The following GCN1 variants were observed in gnomAD, a reference collection of about 807,000 sequenced individuals.
GCN1 encodes GCN1 activator of EIF2AK4.
Under a neutral mutation model 288.4 loss-of-function variants are expected in GCN1, and 90 were observed. The observed-to-expected ratio is 0.31, with a 90% confidence interval of 0.26 to 0.37. The LOEUF (loss-of-function observed/expected upper bound fraction) is 0.37, where lower values mean the gene tolerates loss of function less well. GCN1 is among the 10% of genes least tolerant of loss of function. The probability of loss-of-function intolerance (pLI) is 1.00; values close to 1 mark genes in which losing one functional copy is unlikely to be tolerated. For synonymous variants in GCN1, 1,386 were observed against 1,420.2 expected (o/e 0.98, Z 0.54); for missense variants, 2,586 against 3,419.9 (o/e 0.76, Z 6.08).
At chr12:120,183,532 G>A (rs1878730155) in intron 5 of GCN1, 37 bp downstream of exon 5, 4 of 1,269,962 alleles carry the variant, frequency 3.1e-6, no homozygotes, top group Non-Finnish European at 4.6e-6. Context: ...CTGGCAGAAA[G>A]CTGACCCTTG....
intron 50 of GCN1, among the ~76,000 whole-genome samples, chr12:120,136,980 A>G (rs1877025277): frequency 6.6e-6 from 1 of 152,156 alleles, no homozygotes; most frequent in African/African-American, 2.4e-5. Context: ...CCTGTGGCCC[A>G]CTCACTCTGG....
At chr12:120,160,777 T>C (rs1327471840) in intron 22 of GCN1, among the ~76,000 whole-genome samples, 1 of 152,148 alleles carries the variant, frequency 6.6e-6, no homozygotes, top group Non-Finnish European at 1.5e-5. Flanking sequence ...AGGAACAAGA[T>C]AAAGTCCCTG....
chr12:120,183,719 C>T (rs1484527422), intron 4 of GCN1, 42 bp from the exon 5 acceptor site: 1 of 1,192,600 alleles, frequency 8.4e-7, no homozygotes, highest in Admixed American at 1.7e-5. Flanking sequence ...CAGCAGCCTC[C>T]ACCTTGAGGA....
chr12:120,151,188 C>T lies in GCN1; in HGVS notation c.4266G>A (p.Leu1422=). Residue 1422 remains leucine (L), a synonymous_variant, in exon 34 of 58, where the codon CTG becomes CTA. Coordinates refer to ENST00000300648, the MANE Select transcript of GCN1 (RefSeq NM_006836.2). ...TCTTCTTATCTTGGATGGCATCAGT[C>T]AGTGCCGCCATCATCTCCTGTTGCT... is the stretch of plus-strand genomic sequence containing the variant. ...SLKQQEMMAA[L]TDAIQDKKNF... is the part of the protein sequence containing the mutation. 2 of 1,614,014 alleles carry T rather than the reference C, an allele frequency of 1.2e-6. No homozygotes were observed. The highest frequency in any genetic ancestry group is 1.7e-6 in the Non-Finnish European group (2 of 1,179,964).
intron 16 of GCN1, among the ~76,000 whole-genome samples, chr12:120,165,024 C>T (rs1400859127): frequency 6.9e-6 from 1 of 145,168 alleles, no homozygotes; most frequent in Non-Finnish European, 1.5e-5. Context: ...CACACACACA[C>T]ACACACACAC....
Position 120,168,309 on chromosome 12 carries a change from A to C in GCN1, c.1520-9T>G. ...ACTGCTCAGTTTGGCCTCTGCAAGA[A>C]ACAAAAGGTTACCCCACGACGCAGC... is the stretch of plus-strand genomic sequence containing the variant. On this transcript the variant is annotated splice_polypyrimidine_tract_variant and intron_variant, in intron 15 of 57. Transcript: ENST00000300648. 1 of 1,534,320 alleles carries C rather than the reference A, an allele frequency of 6.5e-7. No homozygotes were observed. The highest frequency in any genetic ancestry group is 1.4e-5 in the African/African-American group (1 of 73,458).
chr12:120,127,944 A>G lies in GCN1; in HGVS notation c.7921T>C (p.Leu2641=). 4 of 1,614,092 alleles carry G rather than the reference A, an allele frequency of 2.5e-6. No individual in the cohort carries two copies. Among genetic ancestry groups the G allele is most frequent in the Non-Finnish European group, 3.4e-6 (4 of 1,179,976 alleles). ...CGGTTAACCTCGTTCAGCACCTCCAAACTGGCCACATCCAGGATCTTGGAG... is the reference window on the plus strand; with the variant it reads ...CGGTTAACCTCGTTCAGCACCTCCAGACTGGCCACATCCAGGATCTTGGAG... ...SLSKILDVAS[L]EVLNEVNRRS... is the part of the protein sequence containing the mutation. The change falls in exon 58 of 58, where the codon TTG becomes CTG. Residue 2641 remains leucine, a synonymous_variant. Coordinates refer to ENST00000300648, the MANE Select transcript of GCN1 (RefSeq NM_006836.2).
At position 120,131,076 on chromosome 12, in the gene GCN1, T is replaced by C. The variant is rs183528414; in HGVS notation, c.7563+109A>G. On this transcript the variant is annotated intron_variant, in intron 55 of 57. Coordinates refer to ENST00000300648, the MANE Select transcript of GCN1 (RefSeq NM_006836.2). ...AGCAAGTTACTGACAAAGGTAAAAT[T>C]AGACCCAAGCTTCTTAAGCCCCAGT... is the stretch of plus-strand genomic sequence containing the variant. 623 of 954,352 alleles carry C rather than the reference T, an allele frequency of 6.5e-4. 6 individuals carry two copies. The East Asian group carries it at 0.01, about 15-fold the overall frequency. 59.1% of individuals were successfully genotyped at this position (954,352 alleles called of 1,614,324 possible). A position where few individuals can be genotyped will look rare whatever the true frequency, so the allele number is the denominator to read the frequency against.
Position 120,153,500 on chromosome 12 carries a change from G to T in GCN1, c.3868-93C>A. On this transcript the variant is annotated intron_variant, in intron 32 of 57. Coordinates refer to ENST00000300648, the MANE Select transcript of GCN1 (RefSeq NM_006836.2). The surrounding 1 kb of genome is among the most constrained non-coding windows in gnomAD (Gnocchi z 4.4). Reference sequence around the variant, plus strand: ...GCCCTGAGGACCAAGACCAAGTCTAGCTCTGGGACAGGCATCCTGACATGC... The same window carrying T: ...GCCCTGAGGACCAAGACCAAGTCTATCTCTGGGACAGGCATCCTGACATGC... The T allele has an allele frequency of 8.5e-7, 1 of 1,179,696 alleles. No individual in the cohort carries two copies. The highest frequency in any genetic ancestry group is 1.2e-6 in the Non-Finnish European group (1 of 834,268). 73.1% of individuals were successfully genotyped at this position (1,179,696 alleles called of 1,614,324 possible).
chr12:120,160,437 A>T, intron 22 of GCN1, 182 bp from the exon 23 acceptor site: 1 of 593,778 alleles, frequency 1.7e-6, no homozygotes, highest in Non-Finnish European at 3.0e-6. Context: ...CCTGGTTTCT[A>T]TAGAATGGAG....
intron 16 of GCN1, among the ~76,000 whole-genome samples, chr12:120,167,346 C>G (rs1878164694): frequency 7.3e-6 from 1 of 137,306 alleles, no homozygotes. Context: ...GAACGAAACT[C>G]CATCTCAAAA....
chr12:120,148,079 A>C lies in GCN1; in HGVS notation c.4726+88T>G. On this transcript the variant is annotated intron_variant, in intron 37 of 57. Coordinates refer to ENST00000300648, the MANE Select transcript of GCN1 (RefSeq NM_006836.2). ...ATTTGTCCTCGGAGGCAAAGATCTTAGCTGAATGGGTGCAAGTTCCCTGCA... is the reference window on the plus strand; with the variant it reads ...ATTTGTCCTCGGAGGCAAAGATCTTCGCTGAATGGGTGCAAGTTCCCTGCA... 5.5e-6 allele frequency: 5 copies of C among 900,958 alleles called. No individual in the cohort carries two copies. In the South Asian group the frequency reaches 8.4e-5, roughly 15 times the overall value. The allele number at this position is 900,958 out of a possible 1,614,324, so 55.8% of individuals were successfully genotyped here. A position where few individuals can be genotyped will look rare whatever the true frequency, so the allele number is the denominator to read the frequency against.
chr12:120,130,831 TC>T, intron 55 of GCN1, 78 bp from the exon 56 acceptor site: 1 of 830,324 alleles, frequency 1.2e-6, no homozygotes, highest in Non-Finnish European at 2.0e-6. Flanking sequence ...TTCCTAGTAA[TC>T]TCCAGGACCC....
At chr12:120,175,356 C>CAGT (rs1878447916) in intron 11 of GCN1, 144 bp from the exon 12 acceptor site, 2 of 751,032 alleles carry the variant, frequency 2.7e-6, no homozygotes, top group Admixed American at 2.5e-5. Flanking sequence ...TTTAAAGCAA[C>CAGT]TTTTACTAGC....
chr12:120,184,700 T>C, intron 3 of GCN1, 124 bp downstream of exon 3: 2 of 747,770 alleles, frequency 2.7e-6, no homozygotes. Flanking sequence ...ATCTAATGGC[T>C]AGGATGTGAC....
rs1877725045 is a variant in GCN1, at chr12:120,155,717, C to G, written c.3315G>C (p.Gly1105=). 6.2e-7 allele frequency: 1 copy of G among 1,614,008 alleles called. No homozygotes were observed. The highest frequency in any genetic ancestry group is 1.3e-5 in the African/African-American group (1 of 75,030). The stretch of plus-strand genomic sequence containing the variant: ...GCAATACCATGTGGAGTTCCATCAG[C>G]CCCTGGAAGGGGTGGGATTGGACCG... ...CASVRETVLR[G]LMELHMVLPA... is the part of the protein sequence containing the mutation. The change falls in exon 29 of 58, where the codon GGG becomes GGC. Residue 1105 remains glycine (G), a splice_region_variant and synonymous_variant. Coordinates refer to ENST00000300648, the MANE Select transcript of GCN1 (RefSeq NM_006836.2). This position sits in a 1 kb window ranked among gnomAD's most constrained non-coding sequence, Gnocchi z 4.9.
intron 8 of GCN1, 58 bp downstream of exon 8, chr12:120,177,626 T>A: frequency 6.5e-7 from 1 of 1,548,054 alleles, no homozygotes; most frequent in Non-Finnish European, 8.9e-7. Context: ...GAGTTCAGCA[T>A]CCCAGAATTG....
chr12:120,153,814 T>C lies in GCN1; in HGVS notation c.3797A>G (p.Asn1266Ser), dbSNP rs767174195. ...CTTCCGGACATCTGGGTGTCGGTCA[T>C]TGAGGGCATCAGGGACAAAAAACTG... is the stretch of plus-strand genomic sequence containing the variant. Reference protein sequence around the residue: ...LFQFFVPDALNDRHPDVRKCM... With the variant: ...LFQFFVPDALSDRHPDVRKCM... Residue 1266 changes from asparagine to serine, a missense_variant, in exon 32 of 58, where the codon AAT becomes AGT. Asn to Ser is a conservative substitution (Grantham distance 46). Around this residue, in one of 8 missense-constraint regions of GCN1, gnomAD observed 332 missense variants for 403.0 expected, o/e 0.82. Transcript: ENST00000300648. This position sits in a 1 kb window ranked among gnomAD's most constrained non-coding sequence, Gnocchi z 4.4. The C allele has an allele frequency of 4.3e-6, 7 of 1,613,968 alleles. No individual in the cohort carries two copies. In the African/African-American group the frequency reaches 5.3e-5, roughly 12 times the overall value.
At chr12:120,173,326 G>A (rs929247818) in intron 14 of GCN1, among the ~76,000 whole-genome samples, 1 of 152,154 alleles carries the variant, frequency 6.6e-6, no homozygotes, top group South Asian at 2.1e-4. Context: ...GGGATTACAG[G>A]TGTGAGCCAC....
Sources: allele counts gnomAD v4.1 joint callset (sites outside exome capture counted in the v4.1 genomes callset), GRCh38; gene constraint gnomAD v4.1.1; regional missense constraint gnomAD v4.1.1; non-coding constraint Gnocchi (gnomAD v3.1); transcripts MANE v1.5; gene names NCBI Gene and HGNC (gene_info 2026-07-23, HGNC 2026-07-21).